The following HPS4 variants were observed in gnomAD, a reference collection of about 807,000 sequenced individuals.
HPS4 encodes the protein HPS4 biogenesis of lysosomal organelles complex 3 subunit 2, also known as BLOC-3 complex member HPS4.
In HPS4, 44 loss-of-function variants were observed where a neutral mutation model predicts 70.3. That is an observed-to-expected ratio of 0.63 (90% CI 0.49 to 0.80). The LOEUF is 0.80. Ranked by LOEUF, HPS4 falls within the 30% of genes least tolerant of loss-of-function variation. HPS4 has a pLI of 0.00. For synonymous variants in HPS4, 377 were observed against 355.9 expected (o/e 1.06, Z -0.67); for missense variants, 873 against 884.4 (o/e 0.99, Z 0.16).
chr22:26,460,773 A>G (rs1441200551), intron 11 of HPS4, among the ~76,000 whole-genome samples: 1 of 152,242 alleles, frequency 6.6e-6, no homozygotes, highest in Non-Finnish European at 1.5e-5. Flanking sequence ...ATCTTTGTAC[A>G]GTCTGAGACC....
In HPS4 at chr22:26,463,928, T is replaced by C. The variant is rs2087873506; in HGVS notation, c.1702A>G (p.Ile568Val). Reference protein sequence around the residue: ...EEPLLGDSAAIEEVYHSSLAS... With the variant: ...EEPLLGDSAAVEEVYHSSLAS... ...CTGAGGACACTCACCACTTCCTCTA[T>C]GGCTGCGCTGTCTCCCAGCAGCGGC... is the stretch of plus-strand genomic sequence containing the variant. Residue 568 changes from isoleucine to valine, a missense_variant, in exon 11 of 14, where the codon ATA becomes GTA. Physicochemically the swap from Ile to Val is conservative, Grantham distance 29 (BLOSUM62 3). Coordinates refer to ENST00000398145, the MANE Select transcript of HPS4 (RefSeq NM_022081.6). 1.2e-6 allele frequency: 2 copies of C among 1,613,430 alleles called. No homozygotes were observed. Among genetic ancestry groups the C allele is most frequent in the Non-Finnish European group, 1.7e-6 (2 of 1,180,010 alleles).
chr22:26,446,357 A>C (rs2084952304), downstream of HPS4, among the ~76,000 whole-genome samples: 1 of 152,182 alleles, frequency 6.6e-6, no homozygotes, highest in South Asian at 2.1e-4. Context: ...GGTGACAGCG[A>C]TTAAACTTGT....
chr22:26,465,720 T>C (rs2088445559), intron 9 of HPS4, 169 bp from the exon 10 acceptor site: 2 of 628,906 alleles, frequency 3.2e-6, no homozygotes, highest in South Asian at 1.9e-5. Context: ...CTCGAACTCC[T>C]GGGCCCAGTA....
intron 7 of HPS4, among the ~76,000 whole-genome samples, chr22:26,470,469 T>C (rs1473281046): frequency 6.6e-6 from 1 of 152,228 alleles, no homozygotes; most frequent in Non-Finnish European, 1.5e-5. Flanking sequence ...GCATGCCCCA[T>C]ACTGAGAATT....
chr22:26,456,625 C>T (rs960698897), intron 13 of HPS4, among the ~76,000 whole-genome samples: 11 of 152,218 alleles, frequency 7.2e-5, no homozygotes, highest in African/African-American at 2.4e-4. Flanking sequence ...AGCCCCTGCA[C>T]TCCAGCCTGG....
downstream of HPS4, chr22:26,443,202 G>A (rs544809372): frequency 6.8e-6 from 11 of 1,613,896 alleles, no homozygotes; most frequent in South Asian, 2.2e-5. Flanking sequence ...GCTCCGGGAC[G>A]ATGAGAGTAT....
chr22:26,482,037 A>C lies in HPS4; in HGVS notation c.-275T>G. 2.2e-6 allele frequency: 1 copy of C among 457,672 alleles called. No individual in the cohort carries two copies. The highest frequency in any genetic ancestry group is 4.0e-6 in the Non-Finnish European group (1 of 247,956). The allele number at this position is 457,672 out of a possible 1,614,324, so 28.4% of individuals were successfully genotyped here. A position where few individuals can be genotyped will look rare whatever the true frequency, so the allele number is the denominator to read the frequency against. The stretch of plus-strand genomic sequence containing the variant: ...ACAGAGAATCCTAGCAGAAAAGTCA[A>C]ATCCATTCCTCTGGTTTCCTAAGTA... On this transcript the variant is annotated 5_prime_UTR_variant, in exon 2 of 14. The change creates a new upstream start codon in the 5' untranslated region. Transcript: ENST00000398145.
rs757644373 is a variant in HPS4 at position 26,476,935 on chromosome 22, A to G, written c.276+58T>C. The G allele has an allele frequency of 2.8e-5, 44 of 1,586,978 alleles. 1 individual carries two copies. In the African/African-American group the frequency reaches 3.2e-4, roughly 12 times the overall value. On this transcript the variant is annotated intron_variant, in intron 4 of 13. Transcript: ENST00000398145. ...TCTAAATTCAAGACTCAGAAACAAC[A>G]TAACTTCCTAAACTTATCATTGCAA... is the stretch of plus-strand genomic sequence containing the variant.
chr22:26,480,669 C>A (rs1602127667), intron 2 of HPS4, among the ~76,000 whole-genome samples: 1 of 152,050 alleles, frequency 6.6e-6, no homozygotes, highest in East Asian at 1.9e-4. Flanking sequence ...ATAATCCCAG[C>A]ACTTTGAGAG....
chr22:26,477,167 A>C, intron 3 of HPS4, 31 bp from the exon 4 acceptor site: 3 of 1,613,894 alleles, frequency 1.9e-6, no homozygotes, highest in Non-Finnish European at 2.5e-6. Flanking sequence ...CCAGATAGGA[A>C]GCTGAAATTC....
Position 26,451,986 on chromosome 22 carries a change from A to ACG in HPS4, c.*1245_*1246dup, listed in dbSNP as rs10573454. 45 of 149,176 alleles carry ACG rather than the reference A, an allele frequency of 3.0e-4. No homozygotes were observed. The highest frequency in any genetic ancestry group is 1.2e-3 in the South Asian group (8 of 6,478). The allele number at this position is 149,176 out of a possible 1,614,324, so 9.2% of individuals were successfully genotyped here. ...AGGAAAAGAGGGATGCGCCCACGTT[A>ACG]CGCGCGCGCGCGCGCGCGCACACAC... On this transcript the variant is annotated 3_prime_UTR_variant, in exon 14 of 14. Coordinates refer to ENST00000398145, the MANE Select transcript of HPS4 (RefSeq NM_022081.6).
Position 26,479,306 on chromosome 22 carries a change from C to CAAGG in HPS4, c.90_91insCCTT (p.Asp31ProfsTer2). On this transcript the variant is annotated frameshift_variant, in exon 3 of 14. Coordinates refer to ENST00000398145, the MANE Select transcript of HPS4 (RefSeq NM_022081.6). LOFTEE classifies it high-confidence loss of function. ...TAACAAATGCCAGCTCTTGTTGGAT[C>CAAGG]GCCTTCTTCCTTTACCTTGGAACCA... 1 of 1,614,088 alleles carries CAAGG rather than the reference C, an allele frequency of 6.2e-7. No homozygotes were observed. The highest frequency in any genetic ancestry group is 8.5e-7 in the Non-Finnish European group (1 of 1,180,016).
chr22:26,463,652 C>T (rs151103387), intron 11 of HPS4, among the ~76,000 whole-genome samples: 1 of 152,362 alleles, frequency 6.6e-6, no homozygotes, highest in African/African-American at 2.4e-5. Context: ...CTCTGCAAAA[C>T]TAGAAACAGC....
intron 1 of HPS4, among the ~76,000 whole-genome samples, chr22:26,483,082 C>G (rs1189789565): frequency 6.6e-6 from 1 of 152,208 alleles, no homozygotes; most frequent in Non-Finnish European, 1.5e-5. Context: ...GAATATTTGA[C>G]GGCCTGTAAA....
intron 3 of HPS4, 83 bp downstream of exon 3, chr22:26,479,182 T>C: frequency 7.6e-7 from 1 of 1,314,208 alleles, no homozygotes; most frequent in Non-Finnish European, 1.1e-6. Context: ...CAAACTGTCC[T>C]AATGTAAACC....
rs765121677 is a variant in HPS4, at chr22:26,458,450, A to C, written c.1841T>G (p.Leu614Arg). 6 of 1,614,160 alleles carry C rather than the reference A, an allele frequency of 3.7e-6. No individual in the cohort carries two copies. In the Admixed American group the frequency reaches 1.0e-4, roughly 27 times the overall value. The change falls in exon 12 of 14, where the codon CTG (leucine) becomes CGG (arginine). Residue 614 changes from leucine (L) to arginine (R), a missense_variant. Transcript: ENST00000398145. Reference sequence around the variant, plus strand: ...GCCCCTTGGCTGGTTCTTACCCATCAGCAAGCTCTGAATGCGGTCGTAATG... The same window carrying C: ...GCCCCTTGGCTGGTTCTTACCCATCCGCAAGCTCTGAATGCGGTCGTAATG... The part of the protein sequence containing the change: ...FTHYDRIQSL[L>R]MANLPQVATP...
chr22:26,459,605 C>T (rs1380476134), intron 11 of HPS4, among the ~76,000 whole-genome samples: 1 of 152,144 alleles, frequency 6.6e-6, no homozygotes, highest in Non-Finnish European at 1.5e-5. Context: ...GCTTCAGCCA[C>T]AAGAAAGAAG....
chr22:26,457,719 AC>A, intron 13 of HPS4, 139 bp downstream of exon 13: 1 of 707,244 alleles, frequency 1.4e-6, no homozygotes, highest in Non-Finnish European at 2.6e-6. Flanking sequence ...GGCAATAGGA[AC>A]CGACAAAGGA....
Position 26,470,607 on chromosome 22 carries a change from C to A in HPS4, c.596+112G>T. On this transcript the variant is annotated intron_variant, in intron 7 of 13. Coordinates refer to ENST00000398145, the MANE Select transcript of HPS4 (RefSeq NM_022081.6). ...AACTACCTGATATTTGCCGAACCAG[C>A]CCACTTGGAACTGGCCAGAGACTGG... 4 of 1,018,756 alleles carry A rather than the reference C, an allele frequency of 3.9e-6. No homozygotes were observed. The South Asian group carries it at 5.3e-5, about 14-fold the overall frequency. The allele number at this position is 1,018,756 out of a possible 1,614,324, so 63.1% of individuals were successfully genotyped here. A position where few individuals can be genotyped will look rare whatever the true frequency, so the allele number is the denominator to read the frequency against.
Sources: gnomAD v4.1 joint callset for allele counts (sites outside exome capture counted in the v4.1 genomes callset) on GRCh38, gnomAD v4.1.1 for gene constraint, MANE v1.5 for transcripts, NCBI Gene and HGNC (gene_info 2026-07-23, HGNC 2026-07-21) for gene names.